PTCHD4: variants seen among roughly 807,000 people sequenced by gnomAD.
The protein encoded by PTCHD4 is patched domain-containing protein 4.
PTCHD4 carries 33 observed loss-of-function variants against 58.1 expected under a neutral mutation model. The observed-to-expected ratio is 0.57, with a 90% CI of 0.43 to 0.76. PTCHD4 has a LOEUF of 0.76. Ranked by LOEUF, PTCHD4 falls within the 30% of genes least tolerant of loss-of-function variation. The pLI, the probability that PTCHD4 is intolerant of heterozygous loss-of-function variation, is 0.00. For synonymous variants in PTCHD4, 478 were observed against 409.6 expected (o/e 1.17, Z -2.02); for missense variants, 1,058 against 1,027.1 (o/e 1.03, Z -0.41).
intron 3 of PTCHD4, among the ~76,000 whole-genome samples, chr6:48,035,472 A>T (rs1301401308): frequency 6.6e-6 from 1 of 152,108 alleles, no homozygotes; most frequent in South Asian, 2.1e-4. Flanking sequence ...AAAAATTATG[A>T]ATCAGAAAAA....
At chr6:47,980,809 A>G (rs1767858549) in intron 4 of PTCHD4, among the ~76,000 whole-genome samples, 1 of 151,886 alleles carries the variant, frequency 6.6e-6, no homozygotes, top group Admixed American at 6.6e-5. Flanking sequence ...CAAGTGATAC[A>G]CTGTTTTTTC....
intron 4 of PTCHD4, among the ~76,000 whole-genome samples, chr6:47,882,129 G>T (rs914421326): frequency 6.6e-6 from 1 of 152,106 alleles, no homozygotes; most frequent in Non-Finnish European, 1.5e-5. Context: ...TAGAATAAGG[G>T]TTAAGGTAAT....
At chr6:47,927,248 A>G (rs1431080650) in intron 4 of PTCHD4, among the ~76,000 whole-genome samples, 2 of 152,138 alleles carry the variant, frequency 1.3e-5, no homozygotes, top group Non-Finnish European at 2.9e-5. Flanking sequence ...AAGGAGGCAA[A>G]ATCTCTGTGG....
chr6:48,079,677 G>T (rs1411279223), intron 1 of PTCHD4, among the ~76,000 whole-genome samples: 2 of 151,014 alleles, frequency 1.3e-5, no homozygotes, highest in African/African-American at 4.9e-5. Context: ...AATACCTTGT[G>T]ACAATAAAAA....
At chr6:48,021,212 G>A (rs1763058320) in intron 3 of PTCHD4, among the ~76,000 whole-genome samples, 1 of 151,982 alleles carries the variant, frequency 6.6e-6, no homozygotes, top group Admixed American at 6.6e-5. Context: ...TCTGCTTCAT[G>A]AAAGACTGTG....
At chr6:47,936,389 T>G (rs1332361761) in intron 4 of PTCHD4, among the ~76,000 whole-genome samples, 1 of 152,206 alleles carries the variant, frequency 6.6e-6, no homozygotes, top group African/African-American at 2.4e-5. Context: ...GATGGTAAAT[T>G]TTATGGTCCC....
At position 48,069,756 on chromosome 6, in the gene PTCHD4, C is replaced by A. The variant is rs893025315; in HGVS notation, c.-799G>T. ...ACATGTTACATTCACTTTCTGTATT[C>A]TTGAGATTAAAGGACAGAAAGTTCC... On this transcript the variant is annotated 5_prime_UTR_variant, in exon 2 of 5. Coordinates refer to ENST00000339488, the MANE Select transcript of PTCHD4 (RefSeq NM_001384253.1). Among the ~76,000 whole-genome samples, 2 of 152,094 alleles carry A rather than the reference C, an allele frequency of 1.3e-5. No homozygotes were observed. The highest frequency in any genetic ancestry group is 4.8e-5 in the African/African-American group (2 of 41,396).
intron 4 of PTCHD4, among the ~76,000 whole-genome samples, chr6:47,939,875 C>T (rs555533944): frequency 6.6e-6 from 1 of 152,160 alleles, no homozygotes; most frequent in Non-Finnish European, 1.5e-5. Context: ...CTGAAGCCCC[C>T]TATGTTGCCC....
intron 4 of PTCHD4, among the ~76,000 whole-genome samples, chr6:47,954,639 T>C (rs551498594): frequency 6.6e-6 from 1 of 152,340 alleles, no homozygotes; most frequent in South Asian, 2.1e-4. Context: ...GCAATTTTAA[T>C]ATATGCCATT....
At chr6:48,011,666 G>A (rs1187214267) in intron 3 of PTCHD4, among the ~76,000 whole-genome samples, 2 of 152,118 alleles carry the variant, frequency 1.3e-5, no homozygotes, top group African/African-American at 2.4e-5. Context: ...GTCCTGAATG[G>A]TATTGCCTAG....
chr6:47,988,797 G>A (rs897091865), intron 4 of PTCHD4, among the ~76,000 whole-genome samples: 5 of 152,090 alleles, frequency 3.3e-5, no homozygotes, highest in Non-Finnish European at 7.4e-5. Flanking sequence ...TTTTTTCCCA[G>A]TCTCAGTTAT....
At chr6:48,033,527 T>C (rs1763524457) in intron 3 of PTCHD4, among the ~76,000 whole-genome samples, 2 of 151,616 alleles carry the variant, frequency 1.3e-5, no homozygotes, top group Non-Finnish European at 2.9e-5. Context: ...GTGTGGAGTT[T>C]GTGGTGCTCA....
At chr6:48,022,961 T>C (rs1275048166) in intron 3 of PTCHD4, among the ~76,000 whole-genome samples, 1 of 152,184 alleles carries the variant, frequency 6.6e-6, no homozygotes. Context: ...TTAAGGCTAA[T>C]ATTAAAGTTA....
rs9381623 is a variant in PTCHD4 at position 47,865,195 on chromosome 6, T to C, written c.*13108A>G. Among the ~76,000 whole-genome samples, 102,378 of 151,808 alleles carry C rather than the reference T, an allele frequency of 0.67. 34,915 individuals carry two copies. The highest frequency in any genetic ancestry group is 0.78 in the East Asian group (4,018 of 5,132). On this transcript the variant is annotated 3_prime_UTR_variant, in exon 5 of 5. Transcript: ENST00000339488. ...TATATATACCTGAGTATCCAGTAAT[T>C]TTACATGGAAAAAAGTATAAAAGAT...
At chr6:48,030,924 CA>C (rs1230325917) in intron 3 of PTCHD4, among the ~76,000 whole-genome samples, 2 of 152,014 alleles carry the variant, frequency 1.3e-5, no homozygotes, top group Non-Finnish European at 2.9e-5. Context: ...TACGAAGTCC[CA>C]AAAGGTGACT....
At chr6:48,050,972 A>C (rs930661576) in intron 3 of PTCHD4, among the ~76,000 whole-genome samples, 1 of 152,184 alleles carries the variant, frequency 6.6e-6, no homozygotes, top group East Asian at 1.9e-4. Flanking sequence ...ATAATCCTTA[A>C]GAAAAAAGAG....
At chr6:47,924,569 T>A (rs1347644797) in intron 4 of PTCHD4, among the ~76,000 whole-genome samples, 1 of 152,080 alleles carries the variant, frequency 6.6e-6, no homozygotes, top group African/African-American at 2.4e-5. Flanking sequence ...ATGTCTCCCT[T>A]ATAGACGTGT....
chr6:47,903,806 A>G (rs1269430301), intron 4 of PTCHD4, among the ~76,000 whole-genome samples: 1 of 152,212 alleles, frequency 6.6e-6, no homozygotes, highest in African/African-American at 2.4e-5. Context: ...TTGTATATTG[A>G]TGAATTTTGA....
intron 1 of PTCHD4, among the ~76,000 whole-genome samples, chr6:48,100,449 C>T (rs1301521726): frequency 6.6e-6 from 1 of 152,160 alleles, no homozygotes; most frequent in African/African-American, 2.4e-5. Flanking sequence ...ACTCAATTCC[C>T]AAGCAACAGT....
Sources: gnomAD v4.1 joint callset for allele counts (sites outside exome capture counted in the v4.1 genomes callset) on GRCh38, gnomAD v4.1.1 for gene constraint, MANE v1.5 for transcripts, NCBI Gene and HGNC (gene_info 2026-07-23, HGNC 2026-07-21) for gene names.